Variants in ANKFN1 observed in about 807,000 individuals in gnomAD.
The protein encoded by ANKFN1 is ankyrin repeat and fibronectin type-III domain-containing protein 1.
Under a neutral mutation model 108.7 loss-of-function variants are expected in ANKFN1, and 74 were observed. The observed-to-expected ratio is 0.68, with a 90% CI of 0.56 to 0.83. The LOEUF is 0.83. ANKFN1 is among the 40% of genes least tolerant of loss of function. The pLI is 0.00. For missense variants in ANKFN1, 1,505 were observed against 1,382.3 expected, an observed-to-expected ratio of 1.09 and a Z score of -1.41; for synonymous variants, 547 against 516.2, an observed-to-expected ratio of 1.06 and a Z score of -0.81.
At chr17:56,393,387 C>A (rs561617268) in intron 8 of ANKFN1, among the ~76,000 whole-genome samples, 13 of 152,314 alleles carry the variant, frequency 8.5e-5, no homozygotes, top group Admixed American at 3.9e-4. Context: ...ACAGAACCAG[C>A]CACTTACATC....
intron 4 of ANKFN1, among the ~76,000 whole-genome samples, chr17:56,113,236 G>T (rs1189059862): frequency 2.6e-5 from 4 of 152,186 alleles, no homozygotes; most frequent in African/African-American, 4.8e-5. Context: ...AAGGTTGGGA[G>T]TGAGGTGGAC....
At chr17:56,343,474 G>A (rs1480939745) in intron 4 of ANKFN1, among the ~76,000 whole-genome samples, 3 of 151,626 alleles carry the variant, frequency 2.0e-5, no homozygotes, top group Admixed American at 1.3e-4. Flanking sequence ...ATCTTTTTGA[G>A]GATCCTTGTA....
intron 10 of ANKFN1, among the ~76,000 whole-genome samples, chr17:56,447,140 T>C (rs1010888328): frequency 2.0e-5 from 3 of 152,246 alleles, no homozygotes; most frequent in Non-Finnish European, 4.4e-5. Flanking sequence ...GGAGAATCAC[T>C]TGAACCTGGG....
At chr17:56,063,411 G>T (rs1905010201) in intron 4 of ANKFN1, among the ~76,000 whole-genome samples, 1 of 151,526 alleles carries the variant, frequency 6.6e-6, no homozygotes, top group Non-Finnish European at 1.5e-5. Context: ...GTCTTTTTAT[G>T]AAATCTCTTA....
At position 56,089,436 on chromosome 17, in the gene ANKFN1, A is replaced by G. The variant is rs969250927; in HGVS notation, c.288+43111A>G. Among the ~76,000 whole-genome samples, 4 of 151,504 alleles carry G rather than the reference A, an allele frequency of 2.6e-5. 1 individual carries two copies. Among genetic ancestry groups the G allele is most frequent in the Non-Finnish European group, 5.9e-5 (4 of 67,832 alleles). ...AAGAAAGTTCTAAAAGCAGAATTGC[A>G]TGCCAGAGCATATACATAATTTTAT... On this transcript the variant is annotated intron_variant, in intron 4 of 12. Coordinates refer to the ANKFN1 transcript ENST00000635860.
At chr17:56,071,620 TTTTGTTTG>T (rs549242399) in intron 4 of ANKFN1, among the ~76,000 whole-genome samples, 3 of 152,216 alleles carry the variant, frequency 2.0e-5, no homozygotes, top group African/African-American at 4.8e-5. Context: ...GCTTCTTGTT[TTTTGTTTG>T]TTTGTTTGTT....
At chr17:56,183,241 A>G (rs955418066) in intron 1 of ANKFN1, among the ~76,000 whole-genome samples, 3 of 152,154 alleles carry the variant, frequency 2.0e-5, no homozygotes, top group African/African-American at 7.2e-5. Flanking sequence ...ATCAATAGCG[A>G]TTCCTATGAT....
At chr17:56,347,356 C>T (rs893933588) in intron 4 of ANKFN1, among the ~76,000 whole-genome samples, 1 of 151,958 alleles carries the variant, frequency 6.6e-6, no homozygotes, top group African/African-American at 2.4e-5. Context: ...AGGTACCTTT[C>T]ATTTGTTGAT....
intron 20 of ANKFN1, among the ~76,000 whole-genome samples, chr17:56,507,849 C>T (rs1205536513): frequency 6.6e-6 from 1 of 152,130 alleles, no homozygotes; most frequent in Admixed American, 6.5e-5. Flanking sequence ...TGCTTCCTCC[C>T]CTGGCCACCT....
intron 8 of ANKFN1, among the ~76,000 whole-genome samples, chr17:56,380,803 C>T (rs1162218498): frequency 6.6e-6 from 1 of 152,222 alleles, no homozygotes; most frequent in African/African-American, 2.4e-5. Context: ...TGGGTGGAGC[C>T]CACCACAGCT....
chr17:56,061,869 T>G (rs1287251553), intron 4 of ANKFN1, among the ~76,000 whole-genome samples: 2 of 152,202 alleles, frequency 1.3e-5, no homozygotes, highest in Non-Finnish European at 2.9e-5. Flanking sequence ...ATGTGAGCAT[T>G]TAGTGCTGTA....
At chr17:56,472,639 C>G (rs1661238152) in intron 15 of ANKFN1, 1 of 152,072 alleles carries the variant, frequency 6.6e-6, no homozygotes, top group African/African-American at 2.4e-5. Context: ...AGTCAAGGTC[C>G]CTACTTTTAA....
chr17:56,366,644 A>G (rs2046670767), intron 6 of ANKFN1, among the ~76,000 whole-genome samples: 1 of 152,168 alleles, frequency 6.6e-6, no homozygotes, highest in African/African-American at 2.4e-5. Context: ...ATAGATTTAG[A>G]TATACAAATA....
rs79141848 is a variant in ANKFN1 at position 56,485,370 on chromosome 17, T to C, written c.2260+2846T>C. On this transcript the variant is annotated intron_variant, in intron 18 of 20. Transcript: ENST00000682825. The stretch of plus-strand genomic sequence containing the variant: ...AAGAAACATTTGAGCAGAGACCTAA[T>C]ATTTCCAGGCAATGAGAACAGTAAG... 2.9e-4 allele frequency among the ~76,000 whole-genome samples: 44 copies of C among 152,346 alleles called. No homozygotes were observed. In the East Asian group the frequency reaches 7.7e-3, roughly 27 times the overall value.
chr17:56,498,860 CT>C, intron 19 of ANKFN1, 21 bp from the exon 20 acceptor site: 1 of 1,525,308 alleles, frequency 6.6e-7, no homozygotes, highest in Non-Finnish European at 8.8e-7. Flanking sequence ...AACTTAGTGT[CT>C]TTTACCATTT....
rs1262421914 is a variant in ANKFN1 at position 56,297,353 on chromosome 17, G to A, written c.54-28868G>A. Among the ~76,000 whole-genome samples, 4 of 152,194 alleles carry A rather than the reference G, an allele frequency of 2.6e-5. No individual in the cohort carries two copies. In the East Asian group the frequency reaches 7.7e-4, roughly 29 times the overall value. On this transcript the variant is annotated intron_variant, in intron 3 of 20. Transcript: ENST00000682825. Reference sequence around the variant, plus strand: ...AGCTGCTGGCGGTTTAACTGTTTCTGTTGCTCATTGCTGAGGATGAGAAAA... The same window carrying A: ...AGCTGCTGGCGGTTTAACTGTTTCTATTGCTCATTGCTGAGGATGAGAAAA...
chr17:56,164,493 A>C (rs1909969057), intron 1 of ANKFN1, among the ~76,000 whole-genome samples: 2 of 152,210 alleles, frequency 1.3e-5, no homozygotes, highest in Admixed American at 1.3e-4. Flanking sequence ...TCCAGCCCGT[A>C]GCACAGTAGC....
intron 1 of ANKFN1, among the ~76,000 whole-genome samples, chr17:56,200,584 C>T (rs1913963938): frequency 6.6e-6 from 1 of 152,242 alleles, no homozygotes; most frequent in Non-Finnish European, 1.5e-5. Flanking sequence ...CCCAGCTCAA[C>T]TCCCTCTTGC....
At chr17:56,309,911 C>T (rs2044961072) in intron 3 of ANKFN1, among the ~76,000 whole-genome samples, 2 of 152,172 alleles carry the variant, frequency 1.3e-5, no homozygotes, top group Admixed American at 6.5e-5. Flanking sequence ...ACAATGCCTA[C>T]AGGATGAGAT....
Sources: allele counts gnomAD v4.1 joint callset (sites outside exome capture counted in the v4.1 genomes callset), GRCh38; gene constraint gnomAD v4.1.1; transcripts MANE v1.5; gene names NCBI Gene and HGNC (gene_info 2026-07-23, HGNC 2026-07-21).